Variants in GREM2 observed in about 807,000 individuals in gnomAD.
GREM2 encodes gremlin-2.
GREM2 carries 11 observed loss-of-function variants against 14.2 expected under a neutral mutation model. The ratio of observed to expected loss-of-function variants is 0.78; its 90% CI spans 0.49 to 1.28. GREM2 has a LOEUF of 1.28. Among genes scored for constraint, GREM2 ranks in the 50% most tolerant of loss-of-function variants. GREM2 has a pLI of 0.00. For synonymous variants in GREM2, 98 were observed against 97.6 expected (o/e 1.00, Z -0.02); for missense variants, 210 against 218.5 (o/e 0.96, Z 0.24).
chr1:240,570,219 T>C (rs1386385918), intron 1 of GREM2, among the ~76,000 whole-genome samples: 1 of 152,154 alleles, frequency 6.6e-6, no homozygotes, highest in Non-Finnish European at 1.5e-5. Context: ...ATCCCAGCAC[T>C]TTGGGAGGCT....
intron 1 of GREM2, among the ~76,000 whole-genome samples, chr1:240,608,305 C>T (rs1680070510): frequency 6.6e-6 from 1 of 152,206 alleles, no homozygotes. Context: ...GTTTGAAATG[C>T]TGATGAGATT....
intron 1 of GREM2, among the ~76,000 whole-genome samples, chr1:240,562,788 T>A (rs1558163796): frequency 6.9e-6 from 1 of 144,238 alleles, no homozygotes. Context: ...TGAGTGTGTA[T>A]GTGTGTATGT....
intron 1 of GREM2, among the ~76,000 whole-genome samples, chr1:240,505,263 A>G (rs1050558577): frequency 6.6e-6 from 1 of 152,118 alleles, no homozygotes; most frequent in Non-Finnish European, 1.5e-5. Context: ...CAGAACTGTG[A>G]CCCAATTAAA....
chr1:240,520,845 G>A (rs1678068071), intron 1 of GREM2, among the ~76,000 whole-genome samples: 3 of 148,246 alleles, frequency 2.0e-5, no homozygotes. Context: ...GCCAGTCCAG[G>A]AATTAATGTT....
At chr1:240,499,638 G>A (rs932223214) in intron 1 of GREM2, among the ~76,000 whole-genome samples, 3 of 152,242 alleles carry the variant, frequency 2.0e-5, no homozygotes, top group African/African-American at 2.4e-5. Context: ...TTTAGAGACA[G>A]AGGTCGATGT....
intron 1 of GREM2, among the ~76,000 whole-genome samples, chr1:240,518,517 TG>T (rs1346357048): frequency 6.6e-6 from 1 of 152,076 alleles, no homozygotes; most frequent in Non-Finnish European, 1.5e-5. Flanking sequence ...CCTTAGTTTT[TG>T]GGTTTTTTTA....
intron 1 of GREM2, among the ~76,000 whole-genome samples, chr1:240,590,279 A>G (rs1679680915): frequency 6.6e-6 from 1 of 152,166 alleles, no homozygotes; most frequent in Non-Finnish European, 1.5e-5. Flanking sequence ...GCCCTGTAGT[A>G]TCTCGATAGC....
intron 1 of GREM2, among the ~76,000 whole-genome samples, chr1:240,564,334 C>T (rs1679133400): frequency 6.6e-6 from 1 of 151,826 alleles, no homozygotes; most frequent in Non-Finnish European, 1.5e-5. Context: ...GGCTGAAACC[C>T]CATCTCTACC....
intron 1 of GREM2, among the ~76,000 whole-genome samples, chr1:240,538,280 C>T (rs1678517703): frequency 6.6e-6 from 1 of 152,184 alleles, no homozygotes. Flanking sequence ...AAACTTTCTT[C>T]TTAGCTCCTT....
Position 240,492,351 on chromosome 1 carries a change from G to C in GREM2, c.*618C>G, listed in dbSNP as rs886314731. On this transcript the variant is annotated 3_prime_UTR_variant, in exon 2 of 2. Transcript: ENST00000318160. ...CGAGGTTTCCCGGGAAGCCCACTTC[G>C]GGATCCAAGTGGCTCAAGTTGTCTT... The C allele has an allele frequency of 5.0e-5, 15 of 300,716 alleles. No individual in the cohort carries two copies. The highest frequency in any genetic ancestry group is 3.0e-4 in the African/African-American group (14 of 46,174). The allele number at this position is 300,716 out of a possible 1,614,324, so 18.6% of individuals were successfully genotyped here.
At chr1:240,555,780 A>G (rs1490313471) in intron 1 of GREM2, among the ~76,000 whole-genome samples, 1 of 152,226 alleles carries the variant, frequency 6.6e-6, no homozygotes, top group African/African-American at 2.4e-5. Context: ...AAAGTATGTT[A>G]TCCATTAGCC....
At position 240,543,285 on chromosome 1, in the gene GREM2, CA is replaced by C. The variant is rs1462382608; in HGVS notation, c.-1-49810del. Among the ~76,000 whole-genome samples, 3 of 152,280 alleles carry C rather than the reference CA, an allele frequency of 2.0e-5. No individual in the cohort carries two copies. The highest frequency in any genetic ancestry group is 7.2e-5 in the African/African-American group (3 of 41,556). On this transcript the variant is annotated intron_variant, in intron 1 of 1. Coordinates refer to ENST00000318160, the MANE Select transcript of GREM2 (RefSeq NM_022469.4). The surrounding 1 kb of genome is among the most constrained non-coding windows in gnomAD (Gnocchi z 6.4). ...TGTCGTCATGCTGCTAATAAAAAGACATACCTGAAACTGTGTAATTTATAAA... is the reference window on the plus strand; with the variant it reads ...TGTCGTCATGCTGCTAATAAAAAGACTACCTGAAACTGTGTAATTTATAAA...
At chr1:240,565,842 T>C (rs1679167984) in intron 1 of GREM2, among the ~76,000 whole-genome samples, 1 of 138,904 alleles carries the variant, frequency 7.2e-6, no homozygotes, top group Non-Finnish European at 1.5e-5. Context: ...TGAGACTCTG[T>C]CTCCAAAAAA....
At chr1:240,502,525 A>G (rs761813101) in intron 1 of GREM2, among the ~76,000 whole-genome samples, 17 of 152,040 alleles carry the variant, frequency 1.1e-4, no homozygotes, top group Non-Finnish European at 1.9e-4. Flanking sequence ...CATGCCTACG[A>G]CTTCAACTAG....
At chr1:240,567,295 C>T (rs1572402312) in intron 1 of GREM2, among the ~76,000 whole-genome samples, 1 of 152,184 alleles carries the variant, frequency 6.6e-6, no homozygotes, top group East Asian at 1.9e-4. Context: ...CCTACTATTT[C>T]CAAATTTGGT....
chr1:240,561,693 T>TACACACACAC (rs541661990), intron 1 of GREM2, among the ~76,000 whole-genome samples: 4,557 of 145,644 alleles, frequency 0.031, 75 homozygotes, highest in Non-Finnish European at 0.039. Flanking sequence ...TAATCCTGCA[T>TACACACACAC]ACACACACAC....
At position 240,546,295 on chromosome 1, in the gene GREM2, C is replaced by T. The variant is rs150633416; in HGVS notation, c.-1-52819G>A. ...CAGAGGTTGCAGTGAGCCAAGATCG[C>T]GCTACTGCACTCCAGCCTGGTTGAC... On this transcript the variant is annotated intron_variant, in intron 1 of 1. Transcript: ENST00000318160. Among the ~76,000 whole-genome samples, 61 of 151,724 alleles carry T rather than the reference C, an allele frequency of 4.0e-4. No individual in the cohort carries two copies. The East Asian group carries it at 4.1e-3, about 10-fold the overall frequency.
At chr1:240,512,211 G>T (rs1677849887) in intron 1 of GREM2, among the ~76,000 whole-genome samples, 1 of 152,122 alleles carries the variant, frequency 6.6e-6, no homozygotes, top group African/African-American at 2.4e-5. Context: ...TACAAGAGAA[G>T]AATTTACTGG....
At chr1:240,553,390 C>T (rs1176295310) in intron 1 of GREM2, among the ~76,000 whole-genome samples, 2 of 152,164 alleles carry the variant, frequency 1.3e-5, no homozygotes, top group Admixed American at 1.3e-4. Context: ...TTTCCTCACT[C>T]CCTAAGAGTC....
Sources: allele counts gnomAD v4.1 joint callset (sites outside exome capture counted in the v4.1 genomes callset), GRCh38; gene constraint gnomAD v4.1.1; non-coding constraint Gnocchi (gnomAD v3.1); transcripts MANE v1.5; gene names NCBI Gene and HGNC (gene_info 2026-07-23, HGNC 2026-07-21).